The following SPAG16 variants were observed in gnomAD, a reference collection of about 807,000 sequenced individuals.
The protein encoded by SPAG16 is sperm associated antigen 16.
SPAG16 carries 86 observed loss-of-function variants against 80.4 expected under a neutral mutation model. That is an observed-to-expected ratio of 1.07 (90% CI 0.90 to 1.28). The LOEUF (loss-of-function observed/expected upper bound fraction) is 1.28. SPAG16 is among the 50% of genes most tolerant of loss of function. The pLI is 0.00. For missense variants in SPAG16, 870 were observed against 765.3 expected, an observed-to-expected ratio of 1.14 and a Z score of -1.61; for synonymous variants, 294 against 265.9, an observed-to-expected ratio of 1.11 and a Z score of -1.03.
chr2:213,641,500 A>G (rs1372375341), intron 10 of SPAG16, among the ~76,000 whole-genome samples: 2 of 152,166 alleles, frequency 1.3e-5, no homozygotes, highest in Non-Finnish European at 2.9e-5. Context: ...AGTTTAGTGG[A>G]AGCCTTCTTC....
chr2:213,288,217 T>C (rs2062128121), intron 1 of SPAG16, among the ~76,000 whole-genome samples: 2 of 151,390 alleles, frequency 1.3e-5, no homozygotes, highest in Middle Eastern at 7.1e-3. Context: ...TGTACCAGGC[T>C]GCTGTCTTCT....
At chr2:213,549,620 G>A (rs2076725015) in intron 10 of SPAG16, among the ~76,000 whole-genome samples, 1 of 152,152 alleles carries the variant, frequency 6.6e-6, no homozygotes, top group African/African-American at 2.4e-5. Context: ...CCATGTGGAA[G>A]CTAAACAGAT....
chr2:213,681,330 C>A (rs924715989), intron 10 of SPAG16, among the ~76,000 whole-genome samples: 1 of 152,016 alleles, frequency 6.6e-6, no homozygotes, highest in Non-Finnish European at 1.5e-5. Flanking sequence ...CCATCTAATG[C>A]GAATTTATGG....
At chr2:214,210,150 G>T (rs1175242900) in intron 15 of SPAG16, among the ~76,000 whole-genome samples, 1 of 151,946 alleles carries the variant, frequency 6.6e-6, no homozygotes, top group Non-Finnish European at 1.5e-5. Flanking sequence ...GGGGGGAAGG[G>T]TCTTATCTCC....
chr2:213,556,561 G>A (rs1349075245), intron 10 of SPAG16, among the ~76,000 whole-genome samples: 2 of 152,040 alleles, frequency 1.3e-5, no homozygotes, highest in Non-Finnish European at 2.9e-5. Context: ...AATTATAAAT[G>A]TGCACCTAAC....
At chr2:213,412,982 T>C (rs576570299) in intron 9 of SPAG16, among the ~76,000 whole-genome samples, 1 of 152,320 alleles carries the variant, frequency 6.6e-6, no homozygotes, top group African/African-American at 2.4e-5. Context: ...GCACTGGATC[T>C]ACATACTATG....
chr2:214,382,853 G>T (rs115447005), intron 15 of SPAG16, among the ~76,000 whole-genome samples: 2 of 152,114 alleles, frequency 1.3e-5, no homozygotes, highest in Non-Finnish European at 2.9e-5. Context: ...CATGAGATCC[G>T]CTTGTTTGGG....
chr2:213,921,212 T>TCTTCTA (rs2078208265), intron 11 of SPAG16, among the ~76,000 whole-genome samples: 1 of 152,236 alleles, frequency 6.6e-6, no homozygotes, highest in Non-Finnish European at 1.5e-5. Context: ...AAGTTGGCCA[T>TCTTCTA]CTTCTACTTA....
At chr2:213,466,029 A>G (rs2072672918) in intron 9 of SPAG16, among the ~76,000 whole-genome samples, 1 of 152,220 alleles carries the variant, frequency 6.6e-6, no homozygotes, top group Non-Finnish European at 1.5e-5. Context: ...AAAAGCAGAC[A>G]GAAGAATGGA....
intron 10 of SPAG16, among the ~76,000 whole-genome samples, chr2:213,764,692 G>C (rs10432528): frequency 0.37 from 56,302 of 151,808 alleles, 11,310 homozygotes; most frequent in East Asian, 0.59. Flanking sequence ...GAGAGAACAT[G>C]ATATTATTCC....
rs371024760 is a variant in SPAG16, at chr2:213,664,327, A to AATT, written c.1070+174239_1070+174241dup. Among the ~76,000 whole-genome samples the AATT allele has an allele frequency of 8.8e-3, 1,344 of 152,196 alleles. 30 individuals carry two copies. Among genetic ancestry groups the AATT allele is most frequent in the African/African-American group, 0.031 (1,276 of 41,552 alleles). The stretch of plus-strand genomic sequence containing the variant: ...GGTAACATTATTTATAGGTTCCTGG[A>AATT]ATTAGGATGTGAACATCATTTTGGG... On this transcript the variant is annotated intron_variant, in intron 10 of 15. Transcript: ENST00000331683.
intron 12 of SPAG16, among the ~76,000 whole-genome samples, chr2:213,980,965 G>C (rs1290653191): frequency 6.6e-6 from 1 of 151,836 alleles, no homozygotes; most frequent in Non-Finnish European, 1.5e-5. Flanking sequence ...GGGTCTTCCT[G>C]TATTAGACTG....
intron 10 of SPAG16, among the ~76,000 whole-genome samples, chr2:213,823,816 CT>C (rs1269302246): frequency 6.6e-6 from 1 of 152,068 alleles, no homozygotes; most frequent in Non-Finnish European, 1.5e-5. Context: ...GATGTTAGGC[CT>C]TTGTCAGATA....
chr2:213,360,043 C>G (rs1484916272), intron 7 of SPAG16, among the ~76,000 whole-genome samples: 1 of 152,102 alleles, frequency 6.6e-6, no homozygotes, highest in Non-Finnish European at 1.5e-5. Context: ...TCTCTCTCAA[C>G]CAAATCTGCT....
chr2:213,890,138 T>A (rs963006414), intron 11 of SPAG16, among the ~76,000 whole-genome samples: 1 of 152,094 alleles, frequency 6.6e-6, no homozygotes, highest in African/African-American at 2.4e-5. Context: ...TTAAGCAATT[T>A]CAAGCCTTAT....
intron 15 of SPAG16, among the ~76,000 whole-genome samples, chr2:214,380,525 T>TTTAA (rs1700388870): frequency 6.6e-6 from 1 of 152,226 alleles, no homozygotes; most frequent in Non-Finnish European, 1.5e-5. Flanking sequence ...TATTTTATTT[T>TTTAA]TTAATAAAAA....
At chr2:214,113,933 G>C (rs1019805727) in intron 14 of SPAG16, among the ~76,000 whole-genome samples, 5 of 152,162 alleles carry the variant, frequency 3.3e-5, no homozygotes, top group African/African-American at 1.2e-4. Context: ...CAGCTTTTCT[G>C]CTCTGTTTTC....
intron 6 of SPAG16, among the ~76,000 whole-genome samples, chr2:213,348,221 T>TTTCCA (rs2065110601): frequency 6.6e-6 from 1 of 150,972 alleles, no homozygotes; most frequent in Non-Finnish European, 1.5e-5. Flanking sequence ...CTTTTTTTTG[T>TTTCCA]TTTGCTTGGT....
At chr2:214,139,193 A>G (rs1025810749) in intron 14 of SPAG16, among the ~76,000 whole-genome samples, 2 of 152,098 alleles carry the variant, frequency 1.3e-5, no homozygotes, top group African/African-American at 2.4e-5. Context: ...TTCAAAGTTT[A>G]TTGCCAGTTG....
Sources: gnomAD v4.1 joint callset for allele counts (sites outside exome capture counted in the v4.1 genomes callset) on GRCh38, gnomAD v4.1.1 for gene constraint, MANE v1.5 for transcripts, NCBI Gene and HGNC (gene_info 2026-07-23, HGNC 2026-07-21) for gene names.